PRKAG2: variants seen among roughly 807,000 people sequenced by gnomAD.
PRKAG2 encodes the protein protein kinase AMP-activated non-catalytic subunit gamma 2.
Under a neutral mutation model 69.6 loss-of-function variants are expected in PRKAG2, and 26 were observed. The observed-to-expected ratio is 0.37, with a 90% CI of 0.27 to 0.52. The LOEUF is 0.52. Ranked by LOEUF, PRKAG2 falls within the 20% of genes least tolerant of loss-of-function variation. The pLI is 0.90. For synonymous variants in PRKAG2, 293 were observed against 285.0 expected, an observed-to-expected ratio of 1.03 and a Z score of -0.28; for missense variants, 557 against 740.0, an observed-to-expected ratio of 0.75 and a Z score of 2.87.
chr7:151,605,431 A>T (rs1303563009), intron 5 of PRKAG2, among the ~76,000 whole-genome samples: 2 of 151,830 alleles, frequency 1.3e-5, no homozygotes, highest in Non-Finnish European at 1.5e-5. Flanking sequence ...TCTTTAAAAA[A>T]TTTTTTTAAA....
At chr7:151,795,184 C>T (rs2077437593) in intron 1 of PRKAG2, among the ~76,000 whole-genome samples, 1 of 152,016 alleles carries the variant, frequency 6.6e-6, no homozygotes, top group Non-Finnish European at 1.5e-5. Context: ...GGGGCAGGGG[C>T]AGCACCTAGA....
intron 4 of PRKAG2, among the ~76,000 whole-genome samples, chr7:151,634,945 T>TGG (rs201273585): frequency 7.0e-5 from 10 of 142,128 alleles, no homozygotes; most frequent in African/African-American, 2.9e-4. Flanking sequence ...CACTGTTTTT[T>TGG]TTTTTTTTTT....
chr7:151,873,914 CTT>C (rs1481623704), intron 1 of PRKAG2, among the ~76,000 whole-genome samples: 6 of 151,884 alleles, frequency 4.0e-5, no homozygotes, highest in Admixed American at 3.9e-4. Flanking sequence ...ATGGCATGTT[CTT>C]GTTTCTCTCT....
chr7:151,654,657 G>C (rs1358792408), intron 4 of PRKAG2, among the ~76,000 whole-genome samples: 1 of 152,162 alleles, frequency 6.6e-6, no homozygotes, highest in Non-Finnish European at 1.5e-5. Context: ...AGACAAAGTA[G>C]AGGAGGAGGA....
chr7:151,821,704 GA>G (rs1282806167), intron 1 of PRKAG2, among the ~76,000 whole-genome samples: 1 of 152,150 alleles, frequency 6.6e-6, no homozygotes, highest in Non-Finnish European at 1.5e-5. Flanking sequence ...CCATGAAGGA[GA>G]AAAATGCCTC....
chr7:151,810,008 G>C (rs1229552834), intron 1 of PRKAG2: 1 of 152,270 alleles, frequency 6.6e-6, no homozygotes, highest in East Asian at 1.9e-4. Context: ...GTCCACGGAA[G>C]ACGCTGCTTA....
chr7:151,569,118 T>C (rs1258324015), intron 10 of PRKAG2, among the ~76,000 whole-genome samples: 1 of 152,214 alleles, frequency 6.6e-6, no homozygotes, highest in Non-Finnish European at 1.5e-5. Context: ...CCTGCCGTCA[T>C]GGCTCACTGC....
At chr7:151,816,319 G>A (rs952961789) in intron 1 of PRKAG2, among the ~76,000 whole-genome samples, 10 of 152,140 alleles carry the variant, frequency 6.6e-5, no homozygotes, top group Non-Finnish European at 1.0e-4. Flanking sequence ...CATTTTAAGC[G>A]GAAACTGTTT....
At chr7:151,592,328 G>C (rs1813398596) in intron 6 of PRKAG2, among the ~76,000 whole-genome samples, 1 of 152,210 alleles carries the variant, frequency 6.6e-6, no homozygotes, top group Non-Finnish European at 1.5e-5. Context: ...ACTTTATCAG[G>C]ACTGAGATGG....
intron 3 of PRKAG2, among the ~76,000 whole-genome samples, chr7:151,708,739 A>T (rs747223877): frequency 5.3e-5 from 8 of 152,250 alleles, no homozygotes; most frequent in Non-Finnish European, 1.2e-4. Flanking sequence ...ACTTGAGCAC[A>T]GCAAAGTCAC....
chr7:151,809,080 T>C (rs1384540882), intron 1 of PRKAG2, among the ~76,000 whole-genome samples: 1 of 152,150 alleles, frequency 6.6e-6, no homozygotes, highest in Non-Finnish European at 1.5e-5. Flanking sequence ...CGGATGAGTA[T>C]GGGGTGACTC....
intron 4 of PRKAG2, among the ~76,000 whole-genome samples, chr7:151,639,771 T>C (rs1826353253): frequency 6.6e-6 from 1 of 152,194 alleles, no homozygotes; most frequent in Admixed American, 6.5e-5. Context: ...TGAGCCACGC[T>C]ACCATTACCT....
intron 3 of PRKAG2, among the ~76,000 whole-genome samples, chr7:151,744,828 G>A (rs995569733): frequency 3.3e-5 from 5 of 152,206 alleles, no homozygotes; most frequent in African/African-American, 1.2e-4. Flanking sequence ...GAGCAGGGCA[G>A]GGGGAACCCT....
At chr7:151,573,160 GT>G (rs770975155) in intron 8 of PRKAG2, among the ~76,000 whole-genome samples, 150 of 139,808 alleles carry the variant, frequency 1.1e-3, no homozygotes, top group Middle Eastern at 3.6e-3. Flanking sequence ...TGTATCTCAA[GT>G]TTTTTTTTTT....
chr7:151,622,244 G>C (rs1275726746), intron 5 of PRKAG2, among the ~76,000 whole-genome samples: 2 of 152,192 alleles, frequency 1.3e-5, no homozygotes, highest in Non-Finnish European at 2.9e-5. Flanking sequence ...TCTGACAAAA[G>C]GCTATCCTAA....
chr7:151,696,238 TCA>T (rs1836626466), intron 3 of PRKAG2, among the ~76,000 whole-genome samples: 1 of 152,224 alleles, frequency 6.6e-6, no homozygotes, highest in Admixed American at 6.5e-5. Context: ...CAGCCGCAGC[TCA>T]CAGCACTTTC....
At chr7:151,642,395 C>T (rs889124459) in intron 4 of PRKAG2, among the ~76,000 whole-genome samples, 1 of 151,778 alleles carries the variant, frequency 6.6e-6, no homozygotes, top group Non-Finnish European at 1.5e-5. Flanking sequence ...CATAGTGGCT[C>T]ATGCCTGTAG....
At chr7:151,786,058 G>A (rs533103789) in intron 2 of PRKAG2, among the ~76,000 whole-genome samples, 1 of 152,350 alleles carries the variant, frequency 6.6e-6, no homozygotes, top group African/African-American at 2.4e-5. Flanking sequence ...GCCCAGCGCT[G>A]GGGGTGGGCG....
At chr7:151,676,952 C>T (rs1236883133) in intron 3 of PRKAG2, among the ~76,000 whole-genome samples, 3 of 152,188 alleles carry the variant, frequency 2.0e-5, no homozygotes, top group African/African-American at 7.2e-5. Flanking sequence ...GCTGGCAAAC[C>T]CAGAAGCCAG....
Sources: gnomAD v4.1 joint callset for allele counts (sites outside exome capture counted in the v4.1 genomes callset) on GRCh38, gnomAD v4.1.1 for gene constraint, MANE v1.5 for transcripts, NCBI Gene and HGNC (gene_info 2026-07-23, HGNC 2026-07-21) for gene names.